Variants in ADAMTS3 observed in about 807,000 individuals in gnomAD.
ADAMTS3 encodes A disintegrin and metalloproteinase with thrombospondin motifs 3.
ADAMTS3 carries 73 observed loss-of-function variants against 129.0 expected under a neutral mutation model. The observed-to-expected ratio is 0.57, with a 90% CI of 0.47 to 0.69. The LOEUF (loss-of-function observed/expected upper bound fraction) is 0.69, where lower values mean the gene tolerates loss of function less well. Among genes scored for constraint, ADAMTS3 ranks in the 30% least tolerant of loss-of-function variants. ADAMTS3 has a pLI of 0.00. For missense variants in ADAMTS3, 1,457 were observed against 1,514.5 expected, an observed-to-expected ratio of 0.96 and a Z score of 0.63; for synonymous variants, 477 against 510.8, an observed-to-expected ratio of 0.93 and a Z score of 0.89.
At chr4:72,360,856 A>G (rs1339164504) in intron 4 of ADAMTS3, among the ~76,000 whole-genome samples, 2 of 152,140 alleles carry the variant, frequency 1.3e-5, no homozygotes, top group East Asian at 3.8e-4. Flanking sequence ...GCAATAAAAT[A>G]TCTTTTAATT....
intron 11 of ADAMTS3, among the ~76,000 whole-genome samples, chr4:72,315,591 G>C (rs1719371792): frequency 6.6e-6 from 1 of 152,152 alleles, no homozygotes; most frequent in Non-Finnish European, 1.5e-5. Context: ...ACTGATTTCA[G>C]TTCATTGAAA....
intron 3 of ADAMTS3, among the ~76,000 whole-genome samples, chr4:72,533,673 A>ATATGTATATATACATATAGATG (rs1164175826): frequency 1.3e-5 from 2 of 151,372 alleles, no homozygotes; most frequent in Non-Finnish European, 2.9e-5. Flanking sequence ...GTATATGCAC[A>ATATGTATATATACATATAGATG]TATATGCACA....
chr4:72,311,111 C>T lies in ADAMTS3; in HGVS notation c.1992G>A (p.Val664=), dbSNP rs1177620128. Residue 664 remains valine, a synonymous_variant, in exon 14 of 22, where the codon GTG becomes GTA. Coordinates refer to ENST00000286657, the MANE Select transcript of ADAMTS3 (RefSeq NM_014243.3). The part of the protein sequence containing the change: ...TGDVAYMKQL[V]HDGTHCSYKD... ...TGTAAGAACAGTGCGTTCCATCATGCACCAGTTGTTTCATGTAAGCAACAT... is the reference window on the plus strand; with the variant it reads ...TGTAAGAACAGTGCGTTCCATCATGTACCAGTTGTTTCATGTAAGCAACAT... 2 of 1,612,782 alleles carry T rather than the reference C, an allele frequency of 1.2e-6. No homozygotes were observed. Among genetic ancestry groups the T allele is most frequent in the Non-Finnish European group, 1.7e-6 (2 of 1,179,096 alleles).
At chr4:72,518,917 A>C in intron 3 of ADAMTS3, among the ~76,000 whole-genome samples, 1 of 152,108 alleles carries the variant, frequency 6.6e-6, no homozygotes. Context: ...TAGTTGACGC[A>C]GTTTCTTCCT....
intron 4 of ADAMTS3, among the ~76,000 whole-genome samples, chr4:72,413,521 C>A (rs1047158831): frequency 5.3e-5 from 8 of 151,964 alleles, no homozygotes; most frequent in African/African-American, 1.9e-4. Flanking sequence ...TTTAACAAAA[C>A]TCTTAACATG....
rs1319363492 is a variant in ADAMTS3, at chr4:72,308,998, G to GT, written c.2179+398dup. 3.3e-5 allele frequency among the ~76,000 whole-genome samples: 5 copies of GT among 151,972 alleles called. No homozygotes were observed. In the East Asian group the frequency reaches 9.7e-4, roughly 29 times the overall value. On this transcript the variant is annotated intron_variant, in intron 15 of 21. Coordinates refer to ENST00000286657, the MANE Select transcript of ADAMTS3 (RefSeq NM_014243.3). The stretch of plus-strand genomic sequence containing the variant: ...AAACTAATGTGATATTTTAAAAGTT[G>GT]TATCTAAAATTTTGTAATTTTTAAA...
intron 5 of ADAMTS3, among the ~76,000 whole-genome samples, chr4:72,327,534 AT>A (rs1719729171): frequency 6.6e-6 from 1 of 152,200 alleles, no homozygotes; most frequent in African/African-American, 2.4e-5. Flanking sequence ...AGCTCAACAT[AT>A]ATTAGAGAGC....
chr4:72,492,873 G>A (rs979442411), intron 3 of ADAMTS3, among the ~76,000 whole-genome samples: 1 of 151,732 alleles, frequency 6.6e-6, no homozygotes, highest in Non-Finnish European at 1.5e-5. Context: ...ACTTTATTTA[G>A]ATAAAACATT....
intron 3 of ADAMTS3, among the ~76,000 whole-genome samples, chr4:72,529,874 TTA>T (rs1439224830): frequency 6.7e-5 from 5 of 74,624 alleles, no homozygotes; most frequent in Non-Finnish European, 9.3e-5. Flanking sequence ...ATAATATAAA[TTA>T]TATATAATAT....
chr4:72,528,895 C>G (rs1301842043), intron 3 of ADAMTS3, among the ~76,000 whole-genome samples: 6 of 152,058 alleles, frequency 3.9e-5, no homozygotes, highest in Non-Finnish European at 5.9e-5. Context: ...GAGTTCTCCT[C>G]AGTAGACCCA....
intron 18 of ADAMTS3, 196 bp downstream of exon 18, chr4:72,298,081 C>T (rs1453857938): frequency 2.1e-6 from 1 of 480,764 alleles, no homozygotes; most frequent in African/African-American, 1.9e-5. Flanking sequence ...ATTTTAAGGT[C>T]TGTCACTGTT....
chr4:72,428,727 G>A (rs1722627741), intron 3 of ADAMTS3, among the ~76,000 whole-genome samples: 1 of 151,756 alleles, frequency 6.6e-6, no homozygotes, highest in African/African-American at 2.4e-5. Context: ...TAAACTCTCT[G>A]GAGCTCAGTT....
At chr4:72,366,117 CA>C (rs1720861874) in intron 4 of ADAMTS3, among the ~76,000 whole-genome samples, 2 of 152,098 alleles carry the variant, frequency 1.3e-5, no homozygotes. Context: ...TCTTCAAGGG[CA>C]CAGTATTCAA....
intron 3 of ADAMTS3, among the ~76,000 whole-genome samples, chr4:72,527,820 G>C (rs139991749): frequency 8.5e-5 from 13 of 152,272 alleles, no homozygotes; most frequent in Non-Finnish European, 2.9e-5. Context: ...GAAGGACAGG[G>C]ATTCTACCCA....
At chr4:72,547,232 C>T (rs1721490797) in intron 3 of ADAMTS3, among the ~76,000 whole-genome samples, 1 of 152,072 alleles carries the variant, frequency 6.6e-6, no homozygotes, top group Non-Finnish European at 1.5e-5. Flanking sequence ...AAGGATAAAG[C>T]TGTAATTGGT....
chr4:72,387,878 A>G (rs778041033), intron 4 of ADAMTS3, among the ~76,000 whole-genome samples: 14 of 152,104 alleles, frequency 9.2e-5, no homozygotes, highest in Non-Finnish European at 8.8e-5. Flanking sequence ...ACAAAAAAAA[A>G]ACTTTCTGCA....
At position 72,319,391 on chromosome 4, in the gene ADAMTS3, T is replaced by C; in HGVS notation, c.1293A>G (p.Ala431=). 4 of 1,614,034 alleles carry C rather than the reference T, an allele frequency of 2.5e-6. No homozygotes were observed. The highest frequency in any genetic ancestry group is 3.4e-6 in the Non-Finnish European group (4 of 1,179,956). The change falls in exon 9 of 22, where the codon GCA becomes GCG. Residue 431 remains alanine (A), a synonymous_variant. Transcript: ENST00000286657. ...GGGACCAGTGGTAACGATGGAATGCTGCTTGTACCAAGGGAGCCATGACAC... is the reference window on the plus strand; with the variant it reads ...GGGACCAGTGGTAACGATGGAATGCCGCTTGTACCAAGGGAGCCATGACAC... ...MGSVMAPLVQ[A]AFHRYHWSRC...
chr4:72,452,163 A>C (rs1055778356), intron 3 of ADAMTS3, among the ~76,000 whole-genome samples: 1 of 151,812 alleles, frequency 6.6e-6, no homozygotes. Context: ...CACATTTATA[A>C]AAACAGAATC....
chr4:72,464,766 A>G (rs756763783), intron 3 of ADAMTS3, among the ~76,000 whole-genome samples: 1 of 152,056 alleles, frequency 6.6e-6, no homozygotes, highest in Non-Finnish European at 1.5e-5. Flanking sequence ...AAAGTAATGG[A>G]CCAAAATTCT....
Sources: allele counts gnomAD v4.1 joint callset (sites outside exome capture counted in the v4.1 genomes callset), GRCh38; gene constraint gnomAD v4.1.1; transcripts MANE v1.5; gene names NCBI Gene and HGNC (gene_info 2026-07-23, HGNC 2026-07-21).